Variants in UNC13D observed in about 807,000 individuals in gnomAD.
UNC13D encodes the protein unc-13 homolog D.
A neutral mutation model predicts 151.7 loss-of-function variants in UNC13D; 115 were observed. The observed-to-expected ratio is 0.76, with a 90% CI of 0.65 to 0.88. The LOEUF (loss-of-function observed/expected upper bound fraction) is 0.88, where lower values mean the gene tolerates loss of function less well. Ranked by LOEUF, UNC13D falls within the 40% of genes least tolerant of loss-of-function variation. The pLI, the probability that UNC13D is intolerant of heterozygous loss-of-function variation, is 0.00. For synonymous variants in UNC13D, 588 were observed against 612.2 expected (o/e 0.96, Z 0.58); for missense variants, 1,369 against 1,438.7 (o/e 0.95, Z 0.78).
Position 75,836,855 on chromosome 17 carries a change from G to A in UNC13D, c.1119C>T (p.His373=). 1 of 1,614,006 alleles carries A rather than the reference G, an allele frequency of 6.2e-7. No individual in the cohort carries two copies. Among genetic ancestry groups the A allele is most frequent in the Non-Finnish European group, 8.5e-7 (1 of 1,180,034 alleles). ...ACTGGTACTCGATGCTGGTGATGGG[G>A]TGCAGGAGGCAGCTGCTGGGGAACT... ...SLEFPSSCLL[H]PITSIEYQWI... Residue 373 remains histidine, a synonymous_variant, in exon 13 of 32, where the codon CAC becomes CAT. Coordinates refer to ENST00000207549, the MANE Select transcript of UNC13D (RefSeq NM_199242.3).
At position 75,832,465 on chromosome 17, in the gene UNC13D, TC is replaced by T. The variant is rs2064878833; in HGVS notation, c.2447+500del. On this transcript the variant is annotated intron_variant, in intron 25 of 31. Coordinates refer to ENST00000207549, the MANE Select transcript of UNC13D (RefSeq NM_199242.3). This position sits in a 1 kb window ranked among gnomAD's most constrained non-coding sequence, Gnocchi z 4.3. Reference sequence around the variant, plus strand: ...GTGGTCCAGAGCCCATGTGCTGGACTCCACCGCCTGTTGCCTGGCATGCTGG... The same window carrying T: ...GTGGTCCAGAGCCCATGTGCTGGACTCACCGCCTGTTGCCTGGCATGCTGG... 1 of 157,558 alleles carries T rather than the reference TC, an allele frequency of 6.3e-6. No individual in the cohort carries two copies. The highest frequency in any genetic ancestry group is 2.4e-5 in the African/African-American group (1 of 41,594). The allele number at this position is 157,558 out of a possible 1,614,324, so 9.8% of individuals were successfully genotyped here.
At position 75,827,444 on chromosome 17, in the gene UNC13D, C is replaced by T. The variant is rs1462386232; in HGVS notation, c.*521G>A. The T allele has an allele frequency of 4.2e-6, 6 of 1,440,514 alleles. 1 individual carries two copies. Among genetic ancestry groups the T allele is most frequent in the East Asian group, 2.5e-5 (1 of 39,920 alleles). The allele number at this position is 1,440,514 out of a possible 1,614,324, so 89.2% of individuals were successfully genotyped here. A position where few individuals can be genotyped will look rare whatever the true frequency, so the allele number is the denominator to read the frequency against. ...GCTTCCTGGCCTGGATGCTGGCAGC[C>T]CCTGGGGAGAGGACCCAGGCCCCCT... On this transcript the variant is annotated 3_prime_UTR_variant, in exon 32 of 32. Transcript: ENST00000207549.
chr17:75,842,775 C>T lies in UNC13D; in HGVS notation c.388+82G>A. On this transcript the variant is annotated intron_variant, in intron 5 of 31. Transcript: ENST00000207549. ...CAGGGCTTCTTGGAAGTGGGTGCTC[C>T]CGCCAAGAGTCCTGGGCCAGGCTGT... 4 of 1,601,052 alleles carry T rather than the reference C, an allele frequency of 2.5e-6. No individual in the cohort carries two copies. In the South Asian group the frequency reaches 4.4e-5, roughly 18 times the overall value.
At chr17:75,841,423 G>C (rs546145289) in intron 6 of UNC13D, among the ~76,000 whole-genome samples, 88 of 146,366 alleles carry the variant, frequency 6.0e-4, no homozygotes, top group Admixed American at 2.5e-3. Context: ...GATTACAAGC[G>C]TGAGCCACCG....
In UNC13D at chr17:75,828,798, G is replaced by A. The variant is rs779654621; in HGVS notation, c.3140C>T (p.Pro1047Leu). Reference protein sequence around the residue: ...VPQTRLPLTYPAPNGDPILQL... With the variant: ...VPQTRLPLTYLAPNGDPILQL... ...GGGCTCAGGCCTACCGTTGGGTGCG[G>A]GGTACGTGAGGGGCAGGCGGGTCTG... The change falls in exon 31 of 32, where the codon CCC becomes CTC. Residue 1047 changes from proline (P) to leucine (L), a missense_variant. This residue lies in a region of UNC13D where 807 missense variants were observed against 795.5 expected (regional missense o/e 1.01). Transcript: ENST00000207549. The A allele has an allele frequency of 2.6e-6, 4 of 1,548,396 alleles. No homozygotes were observed. The East Asian group carries it at 9.7e-5, about 37-fold the overall frequency.
In UNC13D at chr17:75,827,921, G is replaced by C. The variant is rs770102393; in HGVS notation, c.*44C>G. ...CCCCAGACCCTACAGGAAAGCCCTTGCAAGTCCCCACCGGGGACCCAGCCC... is the reference window on the plus strand; with the variant it reads ...CCCCAGACCCTACAGGAAAGCCCTTCCAAGTCCCCACCGGGGACCCAGCCC... On this transcript the variant is annotated 3_prime_UTR_variant, in exon 32 of 32. Coordinates refer to ENST00000207549, the MANE Select transcript of UNC13D (RefSeq NM_199242.3). The C allele has an allele frequency of 1.9e-6, 3 of 1,599,408 alleles. No homozygotes were observed. The highest frequency in any genetic ancestry group is 1.1e-5 in the South Asian group (1 of 89,422).
rs778290419 is a variant in UNC13D, at chr17:75,836,859, A to G, written c.1115T>C (p.Leu372Pro). 1.9e-6 allele frequency: 3 copies of G among 1,613,954 alleles called. No homozygotes were observed. Among genetic ancestry groups the G allele is most frequent in the Non-Finnish European group, 2.5e-6 (3 of 1,180,018 alleles). The change falls in exon 13 of 32, where the codon CTG becomes CCG. Residue 372 changes from leucine to proline, a missense_variant. This residue lies in a region of UNC13D where 550 missense variants were observed against 609.0 expected (regional missense o/e 0.90). Transcript: ENST00000207549. ...QSLEFPSSCL[L>P]HPITSIEYQW... The stretch of plus-strand genomic sequence containing the variant: ...GTACTCGATGCTGGTGATGGGGTGC[A>G]GGAGGCAGCTGCTGGGGAACTCCAG...
chr17:75,827,770 G>A lies in UNC13D; in HGVS notation c.*195C>T. 2.0e-6 allele frequency: 3 copies of A among 1,482,626 alleles called. No homozygotes were observed. Among genetic ancestry groups the A allele is most frequent in the South Asian group, 1.3e-5 (1 of 76,476 alleles). The allele number at this position is 1,482,626 out of a possible 1,614,324, so 91.8% of individuals were successfully genotyped here. A position where few individuals can be genotyped will look rare whatever the true frequency, so the allele number is the denominator to read the frequency against. ...CAGGGCTGGAGGCAGGGAGGCGGGA[G>A]TAGAGATGTCGCTGCTGAGCCCCCA... is the stretch of plus-strand genomic sequence containing the variant. On this transcript the variant is annotated 3_prime_UTR_variant, in exon 32 of 32. Transcript: ENST00000207549.
rs764771345 is a variant in UNC13D at position 75,836,634 on chromosome 17, C to G, written c.1236G>C (p.Arg412Ser). ...CAGAGAGGGGGAAGACAGAGCGGAA[C>G]CTCCGGATGAGGGAGAGGCCGTAGG... ...LLTYGLSLIR[R>S]FRSVFPLSVS... is the part of the protein sequence containing the mutation. Residue 412 changes from arginine (R) to serine (S), a missense_variant, in exon 14 of 32, where the codon AGG (arginine) becomes AGC (serine). By Grantham distance (110) the Arg-to-Ser change is moderately radical (BLOSUM62 -1). Coordinates refer to ENST00000207549, the MANE Select transcript of UNC13D (RefSeq NM_199242.3). 6.2e-7 allele frequency: 1 copy of G among 1,613,806 alleles called. No homozygotes were observed. The highest frequency in any genetic ancestry group is 1.1e-5 in the South Asian group (1 of 91,086).
intron 5 of UNC13D, 88 bp downstream of exon 5, chr17:75,842,749 ACAGGGCTTCTTGGAAGTGGG>A: frequency 3.1e-6 from 5 of 1,590,168 alleles, no homozygotes; most frequent in Non-Finnish European, 4.3e-6. Context: ...GGCCAGCGCT[ACAGGGCTTCTTGGAAGTGGG>A]TGCTCCCGCC....
chr17:75,835,028 T>C lies in UNC13D; in HGVS notation c.1884A>G (p.Thr628=). 6.2e-7 allele frequency: 1 copy of C among 1,614,024 alleles called. No homozygotes were observed. The highest frequency in any genetic ancestry group is 1.7e-4 in the Middle Eastern group (1 of 6,050). ...VPLGELTKHS[T]SAVDLSTCFA... ...AGCAGGTGGATAGATCCACCGCTGA[T>C]GTGCTGTGCTTGGTCAGTTCACCCA... Residue 628 remains threonine (T), a synonymous_variant, in exon 21 of 32, where the codon ACA becomes ACG. Coordinates refer to ENST00000207549, the MANE Select transcript of UNC13D (RefSeq NM_199242.3).
intron 4 of UNC13D, 36 bp from the exon 5 acceptor site, chr17:75,842,959 G>C (rs1287970874): frequency 6.2e-6 from 10 of 1,613,148 alleles, no homozygotes; most frequent in South Asian, 1.1e-5. Flanking sequence ...AGTCCCTGAG[G>C]GGGCTGGGCT....
chr17:75,842,299 T>C, intron 6 of UNC13D, 134 bp downstream of exon 6: 1 of 1,255,052 alleles, frequency 8.0e-7, no homozygotes, highest in South Asian at 1.5e-5. Flanking sequence ...GGAGATGGGC[T>C]TCTCCTCTAG....
chr17:75,838,401 T>G (rs1446933512), intron 12 of UNC13D, among the ~76,000 whole-genome samples: 1 of 152,020 alleles, frequency 6.6e-6, no homozygotes, highest in Non-Finnish European at 1.5e-5. Flanking sequence ...CTATATTTTG[T>G]AGAGACAGGA....
At chr17:75,829,872 C>T in intron 30 of UNC13D, 156 bp downstream of exon 30, 1 of 1,195,568 alleles carries the variant, frequency 8.4e-7, no homozygotes, top group Non-Finnish European at 1.2e-6. Context: ...GCCACCACAT[C>T]CAGCTGCAAA....
rs1042987691 is a variant in UNC13D at position 75,843,432 on chromosome 17, G to C, written c.153+52C>G. 12 of 1,583,386 alleles carry C rather than the reference G, an allele frequency of 7.6e-6. No individual in the cohort carries two copies. In the South Asian group the frequency reaches 1.3e-4, roughly 17 times the overall value. ...TGCCATCAGCGTCGGCCGGCAGGAG[G>C]ACACACAGCCGCCCTCCCCACCTCT... On this transcript the variant is annotated intron_variant, in intron 2 of 31. Transcript: ENST00000207549.
At chr17:75,839,780 A>T in intron 12 of UNC13D, 59 bp downstream of exon 12, 1 of 1,553,546 alleles carries the variant, frequency 6.4e-7, no homozygotes, top group African/African-American at 1.4e-5. Context: ...GGCTTGGAGG[A>T]GGGCAGGGGG....
At position 75,840,374 on chromosome 17, in the gene UNC13D, G is replaced by A. The variant is rs759478302; in HGVS notation, c.754-45C>T. The A allele has an allele frequency of 1.2e-6, 2 of 1,610,008 alleles. No individual in the cohort carries two copies. The highest frequency in any genetic ancestry group is 8.5e-7 in the Non-Finnish European group (1 of 1,177,508). ...AGCCCGTGAGCGTCAGAACCTCATA[G>A]AGTCGGGGCAGCGGAGGCGACAGGA... On this transcript the variant is annotated intron_variant, in intron 9 of 31. Transcript: ENST00000207549. This position sits in a 1 kb window ranked among gnomAD's most constrained non-coding sequence, Gnocchi z 4.6.
At position 75,835,427 on chromosome 17, in the gene UNC13D, G is replaced by A. The variant is rs572194095; in HGVS notation, c.1830C>T (p.Arg610=). Residue 610 remains arginine, a synonymous_variant, in exon 20 of 32, where the codon CGC becomes CGT. Coordinates refer to ENST00000207549, the MANE Select transcript of UNC13D (RefSeq NM_199242.3). The part of the protein sequence containing the change: ...TYNEALARVQ[R]AVQMDELVPL... Reference sequence around the variant, plus strand: ...CCCCCACCTCATCCATCTGCACAGCGCGCTGCACCCGCGCCAGGGCCTCGT... The same window carrying A: ...CCCCCACCTCATCCATCTGCACAGCACGCTGCACCCGCGCCAGGGCCTCGT... 1.6e-5 allele frequency: 25 copies of A among 1,612,600 alleles called. No individual in the cohort carries two copies. The African/African-American group carries it at 1.6e-4, about 10-fold the overall frequency.
Sources: allele counts gnomAD v4.1 joint callset (sites outside exome capture counted in the v4.1 genomes callset), GRCh38; gene constraint gnomAD v4.1.1; regional missense constraint gnomAD v4.1.1; non-coding constraint Gnocchi (gnomAD v3.1); transcripts MANE v1.5; gene names NCBI Gene and HGNC (gene_info 2026-07-23, HGNC 2026-07-21).